DST: variants seen among roughly 807,000 people sequenced by gnomAD.
The protein encoded by DST is dystonin.
A neutral mutation model predicts 875.2 loss-of-function variants in DST; 253 were observed. The ratio of observed to expected loss-of-function variants is 0.29; its 90% CI spans 0.26 to 0.32. The LOEUF (loss-of-function observed/expected upper bound fraction) is 0.32. Ranked by LOEUF, DST falls within the 10% of genes least tolerant of loss-of-function variation. The pLI is 1.00. For missense variants in DST, 8,287 were observed against 9,111.6 expected, an observed-to-expected ratio of 0.91 and a Z score of 3.68; for synonymous variants, 3,124 against 3,197.1, an observed-to-expected ratio of 0.98 and a Z score of 0.77.
rs758405219 is a variant in DST at position 56,618,720 on chromosome 6, T to G, written c.4930-4236A>C. The G allele has an allele frequency of 3.7e-6, 6 of 1,613,936 alleles. No individual in the cohort carries two copies. The highest frequency in any genetic ancestry group is 5.1e-6 in the Non-Finnish European group (6 of 1,179,926). On this transcript the variant is annotated intron_variant, in intron 36 of 103. Transcript: ENST00000680361. ...ACAAAGTCAAGCCTAATGCCTGAAA[T>G]ATCATTTTCAGTGATGACTTTGGAC...
chr6:56,511,248 A>T lies in DST; in HGVS notation c.18729T>A (p.Asp6243Glu). Residue 6243 changes from aspartate to glutamate, a missense_variant, in exon 73 of 104, where the codon GAT becomes GAA. By Grantham distance (45) the Asp-to-Glu change is conservative. Around this residue, in one of 10 missense-constraint regions of DST, gnomAD observed 1,292 missense variants for 1,552.7 expected, o/e 0.83. Transcript: ENST00000680361. Reference protein sequence around the residue: ...ADTLYSQIKEDVKKRAVALDE... With the variant: ...ADTLYSQIKEEVKKRAVALDE... ...CCAGTGCCACAGCACGCTTTTTGAC[A>T]TCTTCTTTAATTTGACTGTAAAGGG... The T allele has an allele frequency of 1.9e-6, 3 of 1,596,078 alleles. No individual in the cohort carries two copies. Among genetic ancestry groups the T allele is most frequent in the South Asian group, 1.1e-5 (1 of 87,978 alleles).
intron 4 of DST, among the ~76,000 whole-genome samples, chr6:56,741,475 G>A (rs1482067118): frequency 2.0e-5 from 3 of 152,140 alleles, no homozygotes; most frequent in Non-Finnish European, 4.4e-5. Flanking sequence ...TTTAACATGA[G>A]AAGGCTTCCA....
intron 5 of DST, among the ~76,000 whole-genome samples, chr6:56,731,285 T>A (rs1193801682): frequency 6.6e-6 from 1 of 152,214 alleles, no homozygotes; most frequent in Non-Finnish European, 1.5e-5. Context: ...AGAAACAGGG[T>A]CACACCACGT....
At position 56,527,653 on chromosome 6, in the gene DST, A is replaced by G; in HGVS notation, c.17762T>C (p.Val5921Ala). The G allele has an allele frequency of 1.2e-6, 2 of 1,613,808 alleles. No homozygotes were observed. Among genetic ancestry groups the G allele is most frequent in the Non-Finnish European group, 1.7e-6 (2 of 1,179,840 alleles). The change falls in exon 68 of 104, where the codon GTG becomes GCG. Residue 5921 changes from valine (V) to alanine (A), a missense_variant. Physicochemically the swap from Val to Ala is moderately conservative, Grantham distance 64 (BLOSUM62 0). This residue lies in a region of DST where 777 missense variants were observed against 764.8 expected (regional missense o/e 1.02). Coordinates refer to ENST00000680361, the MANE Select transcript of DST (RefSeq NM_001374736.1). ...YKDITKLSTD[V>A]AKTLEQALQL... ...CAGCGCCTGTTCCAGAGTCTTGGCC[A>G]CATCAGTGCTCAGTTTAGTAATGTC...
chr6:56,876,841 CT>C (rs1779842872), intron 3 of DST, among the ~76,000 whole-genome samples: 1 of 152,200 alleles, frequency 6.6e-6, no homozygotes, highest in African/African-American at 2.4e-5. Flanking sequence ...GAAAGGCCCC[CT>C]TTCATCTCCC....
intron 4 of DST, among the ~76,000 whole-genome samples, chr6:56,757,271 G>T (rs756786439): frequency 4.6e-5 from 7 of 152,154 alleles, no homozygotes; most frequent in Non-Finnish European, 8.8e-5. Flanking sequence ...TCATCTGCCA[G>T]TAAACATCAG....
chr6:56,747,289 T>C lies in DST; in HGVS notation c.626-12000A>G, dbSNP rs181635539. Among the ~76,000 whole-genome samples the C allele has an allele frequency of 1.1e-4, 16 of 152,320 alleles. No homozygotes were observed. The East Asian group carries it at 3.1e-3, about 29-fold the overall frequency. On this transcript the variant is annotated intron_variant, in intron 4 of 103. Coordinates refer to ENST00000680361, the MANE Select transcript of DST (RefSeq NM_001374736.1). ...CTCTCCATACAAATGCTTTTTTGTGTATCTCCTCCTCTACCACTATCTGCT... is the reference window on the plus strand; with the variant it reads ...CTCTCCATACAAATGCTTTTTTGTGCATCTCCTCCTCTACCACTATCTGCT...
intron 4 of DST, among the ~76,000 whole-genome samples, chr6:56,744,400 T>A (rs2099563370): frequency 6.6e-6 from 1 of 151,560 alleles, no homozygotes; most frequent in African/African-American, 2.4e-5. Flanking sequence ...AGGTAAACAT[T>A]AAGTGTTAGA....
chr6:56,499,972 TAAA>T (rs1231379266), intron 80 of DST, among the ~76,000 whole-genome samples: 3 of 152,060 alleles, frequency 2.0e-5, no homozygotes, highest in Non-Finnish European at 4.4e-5. Flanking sequence ...GTGTGCAAAA[TAAA>T]TCCAAATTGT....
intron 85 of DST, among the ~76,000 whole-genome samples, chr6:56,491,468 T>C (rs2095739041): frequency 6.6e-6 from 1 of 152,198 alleles, no homozygotes; most frequent in Non-Finnish European, 1.5e-5. Flanking sequence ...CACCTCTCTC[T>C]TCCATGGAGT....
chr6:56,908,086 C>CATATATATATGTGTGTGTGTATATAT (rs1562364037), intron 2 of DST, among the ~76,000 whole-genome samples: 3 of 147,738 alleles, frequency 2.0e-5, no homozygotes, highest in African/African-American at 7.4e-5. Flanking sequence ...AAAGAAAATA[C>CATATATATATGTGTGTGTGTATATAT]ATATATATAT....
intron 4 of DST, among the ~76,000 whole-genome samples, chr6:56,830,007 A>T (rs1232793065): frequency 6.6e-6 from 1 of 152,138 alleles, no homozygotes; most frequent in Non-Finnish European, 1.5e-5. Context: ...TGGATATATA[A>T]CTCAAGAATC....
intron 4 of DST, chr6:56,785,893 G>A (rs189853844): frequency 1.3e-5 from 2 of 152,788 alleles, no homozygotes; most frequent in East Asian, 3.8e-4. Context: ...GATCTTGTTT[G>A]TAACTGTTTC....
chr6:56,763,684 TACACACACACACACACACAC>T (rs553580754), intron 4 of DST, among the ~76,000 whole-genome samples: 48 of 117,098 alleles, frequency 4.1e-4, no homozygotes, highest in African/African-American at 1.4e-3. Context: ...AAAATACCTA[TACACACACACACACACACAC>T]ACACACACAC....
At position 56,471,724 on chromosome 6, in the gene DST, G is replaced by T. The variant is rs906482080; in HGVS notation, c.22158+335C>A. ...GGTAATCAAATACACACAATCAAAA[G>T]ATCTGAAATATAAAAGATTATATTT... On this transcript the variant is annotated intron_variant, in intron 94 of 103. Transcript: ENST00000680361. 6 of 389,520 alleles carry T rather than the reference G, an allele frequency of 1.5e-5. No individual in the cohort carries two copies. In the Admixed American group the frequency reaches 2.0e-4, roughly 13 times the overall value. The allele number at this position is 389,520 out of a possible 1,614,324, so 24.1% of individuals were successfully genotyped here. A position where few individuals can be genotyped will look rare whatever the true frequency, so the allele number is the denominator to read the frequency against.
At chr6:56,723,987 A>T (rs898182652) in intron 5 of DST, among the ~76,000 whole-genome samples, 2 of 152,232 alleles carry the variant, frequency 1.3e-5, no homozygotes, top group African/African-American at 4.8e-5. Context: ...TCCAAAAAAC[A>T]TGTTTTTATT....
intron 2 of DST, among the ~76,000 whole-genome samples, chr6:56,946,659 G>A (rs2127802586): frequency 1.3e-5 from 2 of 152,300 alleles, no homozygotes; most frequent in Middle Eastern, 6.8e-3. Flanking sequence ...GGACTGGGAA[G>A]GAAGGCTAAG....
intron 89 of DST, 181 bp from the exon 90 acceptor site, chr6:56,482,359 T>C (rs1186929398): frequency 6.8e-6 from 5 of 738,104 alleles, no homozygotes; most frequent in Non-Finnish European, 7.8e-6. Flanking sequence ...AAACACTTAA[T>C]ATATTAAAAA....
At position 56,931,321 on chromosome 6, in the gene DST, G is replaced by A. The variant is rs6938052; in HGVS notation, c.216+22464C>T. ...CAAGAATTTGGGTTTGTGAATCTCCGCCTAGATTTCAGAAGATGTATGGAA... is the reference window on the plus strand; with the variant it reads ...CAAGAATTTGGGTTTGTGAATCTCCACCTAGATTTCAGAAGATGTATGGAA... On this transcript the variant is annotated intron_variant, in intron 2 of 103. Coordinates refer to ENST00000680361, the MANE Select transcript of DST (RefSeq NM_001374736.1). Among the ~76,000 whole-genome samples the A allele has an allele frequency of 3.1e-3, 476 of 152,248 alleles. 1 individual carries two copies. The highest frequency in any genetic ancestry group is 0.011 in the African/African-American group (444 of 41,554).
Sources: allele counts gnomAD v4.1 joint callset (sites outside exome capture counted in the v4.1 genomes callset), GRCh38; gene constraint gnomAD v4.1.1; regional missense constraint gnomAD v4.1.1; transcripts MANE v1.5; gene names NCBI Gene and HGNC (gene_info 2026-07-23, HGNC 2026-07-21).